Variants in TMED3 observed in about 807,000 individuals in gnomAD.
The protein encoded by TMED3 is transmembrane p24 trafficking protein 3.
A neutral mutation model predicts 15.0 loss-of-function variants in TMED3; 9 were observed. The ratio of observed to expected loss-of-function variants is 0.60; its 90% CI spans 0.36 to 1.04. The LOEUF is 1.04. Among genes scored for constraint, TMED3 ranks in the 50% least tolerant of loss-of-function variants. The pLI is 0.01. For missense variants in TMED3, 267 were observed against 278.9 expected (o/e 0.96, Z 0.30); for synonymous variants, 117 against 121.4 (o/e 0.96, Z 0.24).
chr15:79,369,853 C>T (rs552911666), intron 2 of TMED3, among the ~76,000 whole-genome samples: 26 of 152,282 alleles, frequency 1.7e-4, no homozygotes, highest in African/African-American at 5.8e-4. Flanking sequence ...GAAGGAAGGG[C>T]GATCCTTTTT....
At chr15:79,350,127 G>C (rs2058886276) in intron 2 of TMED3, among the ~76,000 whole-genome samples, 1 of 152,166 alleles carries the variant, frequency 6.6e-6, no homozygotes, top group Non-Finnish European at 1.5e-5. Flanking sequence ...ATTTGTTGAA[G>C]GGCTGGGTTG....
intron 2 of TMED3, among the ~76,000 whole-genome samples, chr15:79,356,416 A>G (rs1468251123): frequency 6.6e-6 from 1 of 152,234 alleles, no homozygotes; most frequent in Admixed American, 6.5e-5. Flanking sequence ...GGAAGAATAA[A>G]TGAATTTAAG....
At chr15:79,385,466 C>CTAAAG (rs1893613167) in intron 2 of TMED3, among the ~76,000 whole-genome samples, 1 of 152,204 alleles carries the variant, frequency 6.6e-6, no homozygotes, top group South Asian at 2.1e-4. Flanking sequence ...GCCAGTGGAT[C>CTAAAG]TTACTTTGTG....
At position 79,312,195 on chromosome 15, in the gene TMED3, T is replaced by G. The variant is rs990251039; in HGVS notation, c.168+778T>G. 1.8e-4 allele frequency among the ~76,000 whole-genome samples: 27 copies of G among 152,022 alleles called. 1 individual carries two copies. The highest frequency in any genetic ancestry group is 6.0e-4 in the African/African-American group (25 of 41,370). ...CGCATGCTGATAGGCACTTCAGAAA[T>G]GAGGGGCCACGGGCAGCAGGAATGG... is the stretch of plus-strand genomic sequence containing the variant. On this transcript the variant is annotated intron_variant, in intron 1 of 2. Transcript: ENST00000299705.
chr15:79,393,730 A>G (rs889498200), intron 2 of TMED3, among the ~76,000 whole-genome samples: 2 of 152,130 alleles, frequency 1.3e-5, no homozygotes, highest in African/African-American at 4.8e-5. Context: ...GGGTCTTACT[A>G]TGTTGCCCAG....
Position 79,311,153 on chromosome 15 carries a change from C to T in TMED3, c.-97C>T, listed in dbSNP as rs2058710404. 39 of 1,365,288 alleles carry T rather than the reference C, an allele frequency of 2.9e-5. No individual in the cohort carries two copies. The highest frequency in any genetic ancestry group is 3.4e-5 in the Non-Finnish European group (35 of 1,026,836). 84.6% of individuals were successfully genotyped at this position (1,365,288 alleles called of 1,614,324 possible). A position where few individuals can be genotyped will look rare whatever the true frequency, so the allele number is the denominator to read the frequency against. On this transcript the variant is annotated 5_prime_UTR_variant, in exon 1 of 3. Coordinates refer to ENST00000299705, the MANE Select transcript of TMED3 (RefSeq NM_007364.4). ...AGCTCCGCTGGTGCCACGTCTATCCCCTTACATCCTCCTAGGACCCGGTCG... is the reference window on the plus strand; with the variant it reads ...AGCTCCGCTGGTGCCACGTCTATCCTCTTACATCCTCCTAGGACCCGGTCG...
intron 2 of TMED3, among the ~76,000 whole-genome samples, chr15:79,390,021 A>T (rs1472211783): frequency 1.3e-5 from 2 of 152,176 alleles, no homozygotes; most frequent in African/African-American, 4.8e-5. Context: ...GTAAACAATC[A>T]TATAATCAGC....
intron 2 of TMED3, chr15:79,384,670 T>A (rs547324140): frequency 1.3e-5 from 2 of 152,194 alleles, no homozygotes; most frequent in Non-Finnish European, 2.9e-5. Context: ...TAGCAGATAA[T>A]TGGGTAGCCA....
In TMED3 at chr15:79,312,856, G is replaced by A. The variant is rs114381371; in HGVS notation, c.169-901G>A. Among the ~76,000 whole-genome samples, 1,337 of 152,266 alleles carry A rather than the reference G, an allele frequency of 8.8e-3. 24 individuals carry two copies. Among genetic ancestry groups the A allele is most frequent in the African/African-American group, 0.03 (1,256 of 41,542 alleles). ...AAGCCAAGAATGACCCTTGCTGGTG[G>A]GGGGAGGGGGAACACCTGTCTGTTA... On this transcript the variant is annotated intron_variant, in intron 1 of 2. Coordinates refer to ENST00000299705, the MANE Select transcript of TMED3 (RefSeq NM_007364.4).
chr15:79,324,420 TTCC>T (rs1413602971), downstream of TMED3, among the ~76,000 whole-genome samples: 1 of 152,138 alleles, frequency 6.6e-6, no homozygotes, highest in Non-Finnish European at 1.5e-5. Flanking sequence ...AGTAATACAG[TTCC>T]ATAAGAAAGA....
chr15:79,349,292 C>T (rs994448493), intron 2 of TMED3, among the ~76,000 whole-genome samples: 2 of 152,124 alleles, frequency 1.3e-5, no homozygotes, highest in African/African-American at 4.8e-5. Flanking sequence ...TTATATACTT[C>T]AAAACATCAT....
At chr15:79,340,775 A>G (rs922878202) in intron 2 of TMED3, among the ~76,000 whole-genome samples, 2 of 152,224 alleles carry the variant, frequency 1.3e-5, no homozygotes, top group African/African-American at 4.8e-5. Context: ...CATCAATAAG[A>G]AAAATACATC....
At chr15:79,376,583 G>A (rs1022765255) in intron 2 of TMED3, among the ~76,000 whole-genome samples, 1 of 152,156 alleles carries the variant, frequency 6.6e-6, no homozygotes, top group Admixed American at 6.5e-5. Flanking sequence ...ACACACTGTT[G>A]CAATTGTTAT....
intron 2 of TMED3, among the ~76,000 whole-genome samples, chr15:79,370,950 T>G (rs73473800): frequency 0.033 from 5,048 of 152,274 alleles, 267 homozygotes; most frequent in African/African-American, 0.11. Context: ...TCAGTCACAG[T>G]TTGTGTGAAA....
At chr15:79,316,515 G>A (rs2058741042) in intron 2 of TMED3, among the ~76,000 whole-genome samples, 1 of 152,234 alleles carries the variant, frequency 6.6e-6, no homozygotes, top group African/African-American at 2.4e-5. Context: ...TGAAGAAGCA[G>A]ATACTTGGGT....
chr15:79,328,349 A>T (rs189544954), intron 2 of TMED3, among the ~76,000 whole-genome samples: 3 of 107,954 alleles, frequency 2.8e-5, no homozygotes, highest in African/African-American at 6.7e-5. Context: ...AAAAAAAATT[A>T]AAAACCCCAT....
rs546403155 is a variant in TMED3, at chr15:79,337,323, T to A, written c.417+23318T>A. ...TTTCCCCTTTATATAAGGACAACAG[T>A]TATGTTGGGTTAGGGCTCACTGTAG... On this transcript the variant is annotated intron_variant, in intron 2 of 2. Coordinates refer to the TMED3 transcript ENST00000424155. Among the ~76,000 whole-genome samples the A allele has an allele frequency of 3.3e-5, 5 of 152,288 alleles. No individual in the cohort carries two copies. In the South Asian group the frequency reaches 6.2e-4, roughly 19 times the overall value.
downstream of TMED3, among the ~76,000 whole-genome samples, chr15:79,326,796 A>T (rs1368352739): frequency 2.0e-5 from 3 of 152,156 alleles, no homozygotes; most frequent in African/African-American, 7.2e-5. Context: ...TGCTCTTATA[A>T]AAGAGGCCTG....
At chr15:79,410,698 G>GTGTATA (rs144843144) in intron 2 of TMED3, among the ~76,000 whole-genome samples, 4 of 148,922 alleles carry the variant, frequency 2.7e-5, no homozygotes, top group African/African-American at 7.4e-5. Context: ...ATGTGTGTGT[G>GTGTATA]TATATATATA....
Sources: allele counts gnomAD v4.1 joint callset (sites outside exome capture counted in the v4.1 genomes callset), GRCh38; gene constraint gnomAD v4.1.1; transcripts MANE v1.5; gene names NCBI Gene and HGNC (gene_info 2026-07-23, HGNC 2026-07-21).